NNT: variants seen among roughly 807,000 people sequenced by gnomAD.
NNT encodes the protein NAD(P) transhydrogenase, mitochondrial.
A neutral mutation model predicts 104.8 loss-of-function variants in NNT; 50 were observed. That is an observed-to-expected ratio of 0.48 (90% CI 0.38 to 0.60). The LOEUF (loss-of-function observed/expected upper bound fraction) is 0.60. Ranked by LOEUF, NNT falls within the 20% of genes least tolerant of loss-of-function variation. The pLI is 0.00. For missense variants in NNT, 1,131 were observed against 1,330.7 expected, an observed-to-expected ratio of 0.85 and a Z score of 2.33; for synonymous variants, 461 against 490.4, an observed-to-expected ratio of 0.94 and a Z score of 0.79.
At chr5:43,612,793 G>GT (rs1749564980) in intron 2 of NNT, 115 bp from the exon 3 acceptor site, 1 of 673,502 alleles carries the variant, frequency 1.5e-6, no homozygotes, top group Non-Finnish European at 2.6e-6. Context: ...GCTTGCATGT[G>GT]TGGTATATTT....
chr5:43,665,777 G>GGGGCTCACTTCCCAGAC (rs1740618639), intron 17 of NNT, among the ~76,000 whole-genome samples: 1 of 136,700 alleles, frequency 7.3e-6, no homozygotes, highest in South Asian at 2.3e-4. Context: ...GCCGGGCAGA[G>GGGGCTCACTTCCCAGAC]GGGCTCACTT....
chr5:43,650,094 G>A (rs1739676119), intron 11 of NNT, among the ~76,000 whole-genome samples: 1 of 152,202 alleles, frequency 6.6e-6, no homozygotes, highest in African/African-American at 2.4e-5. Context: ...CTTTCTTCCA[G>A]TTTACATGCA....
rs780141506 is a variant in NNT at position 43,644,183 on chromosome 5, T to C, written c.965-9T>C. 4 of 1,594,428 alleles carry C rather than the reference T, an allele frequency of 2.5e-6. No individual in the cohort carries two copies. In the Admixed American group the frequency reaches 7.3e-5, roughly 29 times the overall value. On this transcript the variant is annotated splice_polypyrimidine_tract_variant and intron_variant, in intron 7 of 21. Coordinates refer to ENST00000344920, the MANE Select transcript of NNT (RefSeq NM_182977.3). ...ATACAAATTGTGCTGCTTTCTTTGA[T>C]TTTATTAGGTAAAAAAGCTCCAGTT... is the stretch of plus-strand genomic sequence containing the variant.
rs770584464 is a variant in NNT, at chr5:43,704,371, C to G, written c.3228C>G (p.Leu1076=). 2 of 1,613,602 alleles carry G rather than the reference C, an allele frequency of 1.2e-6. No individual in the cohort carries two copies. The highest frequency in any genetic ancestry group is 2.2e-5 in the South Asian group (2 of 91,056). Residue 1076 remains leucine (L), a synonymous_variant, in exon 22 of 22, where the codon CTC becomes CTG. Transcript: ENST00000344920. ...LGDAKKTCDA[L]QAKVRESYQK ...ATGCCAAGAAAACATGTGACGCGCT[C>G]CAGGCGAAAGTTAGAGAATCCTATC... is the stretch of plus-strand genomic sequence containing the variant.
intron 19 of NNT, among the ~76,000 whole-genome samples, chr5:43,690,968 C>G (rs941235611): frequency 3.9e-5 from 6 of 152,092 alleles, no homozygotes; most frequent in African/African-American, 4.8e-5. Context: ...ATTTTCTTCT[C>G]TTCTGTGCAA....
chr5:43,699,193 T>TA (rs994391420), intron 19 of NNT, among the ~76,000 whole-genome samples: 1 of 152,042 alleles, frequency 6.6e-6, no homozygotes, highest in Non-Finnish European at 1.5e-5. Context: ...TCCTTTACCT[T>TA]AAGTGTAGAG....
intron 17 of NNT, among the ~76,000 whole-genome samples, chr5:43,667,636 ATGTG>A: frequency 6.6e-6 from 1 of 152,266 alleles, no homozygotes; most frequent in South Asian, 2.1e-4. Context: ...CATGGTGTAT[ATGTG>A]CCACATTTTC....
At chr5:43,692,922 C>T (rs1326982923) in intron 19 of NNT, among the ~76,000 whole-genome samples, 1 of 152,170 alleles carries the variant, frequency 6.6e-6, no homozygotes, top group African/African-American at 2.4e-5. Flanking sequence ...GTGTCAATCT[C>T]ATGTGCATTT....
intron 12 of NNT, among the ~76,000 whole-genome samples, chr5:43,651,109 C>T (rs1261248494): frequency 1.3e-5 from 2 of 152,184 alleles, no homozygotes; most frequent in African/African-American, 2.4e-5. Context: ...TAACAACCTA[C>T]TAGGAAAAGA....
chr5:43,662,078 TTG>T (rs1368796239), intron 17 of NNT, among the ~76,000 whole-genome samples: 3 of 152,222 alleles, frequency 2.0e-5, no homozygotes, highest in African/African-American at 7.2e-5. Flanking sequence ...GGAAGAAGAC[TTG>T]TTTCTAGTTC....
chr5:43,660,789 A>G (rs950350395), intron 17 of NNT, among the ~76,000 whole-genome samples: 1 of 152,148 alleles, frequency 6.6e-6, no homozygotes, highest in African/African-American at 2.4e-5. Context: ...ACTCACTAGC[A>G]TAAGAACAGC....
intron 7 of NNT, among the ~76,000 whole-genome samples, chr5:43,642,548 T>C (rs1455042277): frequency 6.6e-6 from 1 of 152,182 alleles, no homozygotes; most frequent in Non-Finnish European, 1.5e-5. Flanking sequence ...TCTTGCTCTT[T>C]CTTGGAAACT....
intron 19 of NNT, among the ~76,000 whole-genome samples, chr5:43,686,441 A>G (rs971199944): frequency 1.3e-5 from 2 of 152,082 alleles, no homozygotes; most frequent in Non-Finnish European, 2.9e-5. Context: ...CCCAACGTTT[A>G]TAATTATTGG....
rs772272167 is a variant in NNT, at chr5:43,613,013, G to A, written c.257G>A (p.Gly86Asp). The change falls in exon 3 of 22, where the codon GGT becomes GAT. Residue 86 changes from glycine to aspartate, a missense_variant. Physicochemically the swap from Gly to Asp is moderately conservative, Grantham distance 94. Coordinates refer to ENST00000344920, the MANE Select transcript of NNT (RefSeq NM_182977.3). ...GGTGTTCAGAACTTGGTCAAGCAGG[G>A]TTTTAATGTTGTCGTGGAATCGGGT... Reference protein sequence around the residue: ...PAGVQNLVKQGFNVVVESGAG... With the variant: ...PAGVQNLVKQDFNVVVESGAG... The A allele has an allele frequency of 3.1e-6, 5 of 1,614,170 alleles. No individual in the cohort carries two copies. The highest frequency in any genetic ancestry group is 4.2e-6 in the Non-Finnish European group (5 of 1,180,022).
chr5:43,673,267 G>T (rs575211351), intron 17 of NNT, among the ~76,000 whole-genome samples: 2 of 152,134 alleles, frequency 1.3e-5, no homozygotes, highest in African/African-American at 2.4e-5. Context: ...TTTGGCTCAC[G>T]CTTGGTGGAC....
intron 11 of NNT, among the ~76,000 whole-genome samples, chr5:43,650,011 A>G (rs1479151871): frequency 6.6e-6 from 1 of 152,238 alleles, no homozygotes; most frequent in Non-Finnish European, 1.5e-5. Context: ...GAACATGTCT[A>G]GCTCCAAGAG....
chr5:43,682,634 A>T (rs760614870), intron 19 of NNT, among the ~76,000 whole-genome samples: 9 of 152,232 alleles, frequency 5.9e-5, no homozygotes, highest in Middle Eastern at 3.2e-3. Flanking sequence ...CAATAAAGTC[A>T]TGTATTTCTG....
chr5:43,640,071 G>GT (rs979091464), intron 7 of NNT, among the ~76,000 whole-genome samples: 1 of 151,680 alleles, frequency 6.6e-6, no homozygotes, highest in African/African-American at 2.4e-5. Flanking sequence ...TAATTTTCCT[G>GT]TTTCTTTTGC....
chr5:43,703,818 T>C (rs1742982368), intron 21 of NNT, among the ~76,000 whole-genome samples: 1 of 152,208 alleles, frequency 6.6e-6, no homozygotes. Flanking sequence ...TTTAAAGTCA[T>C]AGAAAAGAAT....
Sources: allele counts gnomAD v4.1 joint callset (sites outside exome capture counted in the v4.1 genomes callset), GRCh38; gene constraint gnomAD v4.1.1; transcripts MANE v1.5; gene names NCBI Gene and HGNC (gene_info 2026-07-23, HGNC 2026-07-21).